Variants in WIZ observed in about 807,000 individuals in gnomAD.
WIZ encodes the protein protein Wiz.
A neutral mutation model predicts 140.2 loss-of-function variants in WIZ; 25 were observed. The observed-to-expected ratio is 0.18, with a 90% CI of 0.13 to 0.25. The LOEUF (loss-of-function observed/expected upper bound fraction) is 0.25. WIZ is among the 10% of genes least tolerant of loss of function. WIZ has a pLI of 1.00. For synonymous variants in WIZ, 1,125 were observed against 1,154.3 expected, an observed-to-expected ratio of 0.97 and a Z score of 0.51; for missense variants, 2,231 against 2,632.6, an observed-to-expected ratio of 0.85 and a Z score of 3.34.
intron 5 of WIZ, among the ~76,000 whole-genome samples, chr19:15,432,005 G>A (rs1459421336): frequency 6.6e-6 from 1 of 152,180 alleles, no homozygotes; most frequent in Non-Finnish European, 1.5e-5. Flanking sequence ...GATGTAACGG[G>A]GCAGGGGGCC....
At chr19:15,436,054 C>T (rs1001196572) in intron 5 of WIZ, among the ~76,000 whole-genome samples, 36 of 152,230 alleles carry the variant, frequency 2.4e-4, no homozygotes, top group African/African-American at 7.7e-4. Context: ...ACCCCGGAGG[C>T]GGAGGTTGCA....
At chr19:15,438,468 G>C (rs1186241592) in intron 4 of WIZ, 110 bp downstream of exon 4, 14 of 1,266,462 alleles carry the variant, frequency 1.1e-5, no homozygotes, top group Non-Finnish European at 1.4e-5. Flanking sequence ...AGTCTCTCAG[G>C]AGCAGAGGCC....
At position 15,448,237 on chromosome 19, in the gene WIZ, G is replaced by C. The variant is rs766016080; in HGVS notation, c.71C>G (p.Pro24Arg). The change falls in exon 2 of 13, where the codon CCG becomes CGG. Residue 24 changes from proline (P) to arginine (R), a missense_variant. Pro to Arg is a moderately radical substitution (Grantham distance 103). Around this residue, in one of 15 missense-constraint regions of WIZ, gnomAD observed 85 missense variants for 90.9 expected, o/e 0.94. Coordinates refer to ENST00000673675, the MANE Select transcript of WIZ (RefSeq NM_001371589.1). ...ACCCTCGATGTTCTCCCTTGGCGCC[G>C]GGCCAGGCAGTCTCTCTGGGCCTTG... is the stretch of plus-strand genomic sequence containing the variant. Reference protein sequence around the residue: ...RPQGPERLPGPAPRENIEGGA... With the variant: ...RPQGPERLPGRAPRENIEGGA... 6.2e-7 allele frequency: 1 copy of C among 1,613,482 alleles called. No individual in the cohort carries two copies. The highest frequency in any genetic ancestry group is 8.5e-7 in the Non-Finnish European group (1 of 1,179,794).
chr19:15,431,012 C>T lies in WIZ; in HGVS notation c.2911G>A (p.Ala971Thr). Residue 971 changes from alanine (A) to threonine (T), a missense_variant and splice_region_variant, in exon 6 of 13, where the codon GCC (alanine) becomes ACC (threonine). By Grantham distance (58) the Ala-to-Thr change is moderately conservative. This residue lies in a region of WIZ where 24 missense variants were observed against 61.2 expected (regional missense o/e 0.39). Transcript: ENST00000673675. ...GSKQELQDLKAQSLTTCEVCG... is the reference protein window; with the variant it reads ...GSKQELQDLKTQSLTTCEVCG... ...CTGCCATGCCACCTGGGCCACTCAC[C>T]CTTGAGGTCCTGCAGCTCCTGTTTG... is the stretch of plus-strand genomic sequence containing the variant. The T allele has an allele frequency of 2.6e-6, 4 of 1,532,400 alleles. No individual in the cohort carries two copies. In the South Asian group the frequency reaches 4.8e-5, roughly 18 times the overall value. 94.9% of individuals were successfully genotyped at this position (1,532,400 alleles called of 1,614,324 possible). A position where few individuals can be genotyped will look rare whatever the true frequency, so the allele number is the denominator to read the frequency against.
chr19:15,439,043 G>A lies in WIZ; in HGVS notation c.1951C>T (p.Pro651Ser), dbSNP rs1480268045. The A allele has an allele frequency of 1.3e-6, 2 of 1,498,198 alleles. No individual in the cohort carries two copies. The highest frequency in any genetic ancestry group is 1.8e-6 in the Non-Finnish European group (2 of 1,127,758). 92.8% of individuals were successfully genotyped at this position (1,498,198 alleles called of 1,614,324 possible). ...FSPLATPSLI[P>S]QAALELKQAF... ...TGCTTCAGCTCCAGGGCCGCCTGCG[G>A]GATGAGGCTGGGGGTGGCTAGGGGT... Residue 651 changes from proline to serine, a missense_variant, in exon 4 of 13, where the codon CCG becomes TCG. By Grantham distance (74) the Pro-to-Ser change is moderately conservative. Transcript: ENST00000673675. This position sits in a 1 kb window ranked among gnomAD's most constrained non-coding sequence, Gnocchi z 7.0.
chr19:15,430,813 G>A (rs926125871), intron 6 of WIZ, among the ~76,000 whole-genome samples, 199 bp downstream of exon 6: 3 of 152,266 alleles, frequency 2.0e-5, no homozygotes, highest in African/African-American at 7.2e-5. Context: ...CCGTGAGGGT[G>A]CAGCTCAGGG....
At chr19:15,430,804 C>T (rs1568300046) in intron 6 of WIZ, among the ~76,000 whole-genome samples, 2 of 152,228 alleles carry the variant, frequency 1.3e-5, no homozygotes, top group African/African-American at 4.8e-5. Flanking sequence ...TCCCTCGCCC[C>T]GTGAGGGTGC....
intron 3 of WIZ, among the ~76,000 whole-genome samples, chr19:15,441,312 C>T (rs1419074330): frequency 2.1e-5 from 3 of 144,672 alleles, no homozygotes; most frequent in Non-Finnish European, 4.6e-5. Context: ...GGGAGTGGGG[C>T]TGGGGGAGGC....
rs1433443147 is a variant in WIZ, at chr19:15,440,612, G to T, written c.382C>A (p.Pro128Thr). The T allele has an allele frequency of 1.3e-6, 2 of 1,535,062 alleles. No homozygotes were observed. The highest frequency in any genetic ancestry group is 4.9e-5 in the East Asian group (2 of 40,878). ...TPDGRGPWEH[P>T]LVQEAGEGIL... ...CCCTCCCCAGCCTCCTGGACAAGGG[G>T]GTGCTCCCAGGGCCCCCGGCCATCA... The change falls in exon 4 of 13, where the codon CCC becomes ACC. Residue 128 changes from proline (P) to threonine (T), a missense_variant. Coordinates refer to ENST00000673675, the MANE Select transcript of WIZ (RefSeq NM_001371589.1). The surrounding 1 kb of genome is among the most constrained non-coding windows in gnomAD (Gnocchi z 6.2).
At chr19:15,447,988 CCAAGCGGAATCAGCATCCCAGCTCAGCCG>C in intron 2 of WIZ, 86 bp downstream of exon 2, 1 of 1,226,462 alleles carries the variant, frequency 8.2e-7, no homozygotes, top group South Asian at 1.3e-5. Flanking sequence ...GGCTCTGGAC[CCAAGCGGAATCAGCATCCCAGCTCAGCCG>C]CTGCTGCGCT....
At position 15,427,668 on chromosome 19, in the gene WIZ, A is replaced by G; in HGVS notation, c.3815-135T>C. Reference sequence around the variant, plus strand: ...TAGGGTGGTGAGGGCAGGTGCAGGTAAGGGAGTGGAGGAGCGGGGCTGGGG... The same window carrying G: ...TAGGGTGGTGAGGGCAGGTGCAGGTGAGGGAGTGGAGGAGCGGGGCTGGGG... On this transcript the variant is annotated intron_variant, in intron 8 of 12. Coordinates refer to ENST00000673675, the MANE Select transcript of WIZ (RefSeq NM_001371589.1). The surrounding 1 kb of genome is among the most constrained non-coding windows in gnomAD (Gnocchi z 6.4). The G allele has an allele frequency of 2.0e-6, 2 of 1,018,488 alleles. No homozygotes were observed. The highest frequency in any genetic ancestry group is 1.7e-5 in the South Asian group (1 of 59,620). 63.1% of individuals were successfully genotyped at this position (1,018,488 alleles called of 1,614,324 possible). A position where few individuals can be genotyped will look rare whatever the true frequency, so the allele number is the denominator to read the frequency against.
intron 9 of WIZ, among the ~76,000 whole-genome samples, chr19:15,426,677 C>T (rs533004884): frequency 9.9e-5 from 15 of 152,230 alleles, no homozygotes; most frequent in Admixed American, 4.6e-4. Flanking sequence ...AATGGATCCC[C>T]GCAGTCTTTC....
chr19:15,426,914 C>T, intron 9 of WIZ, 68 bp downstream of exon 9: 2 of 1,534,570 alleles, frequency 1.3e-6, no homozygotes, highest in Admixed American at 3.9e-5. Context: ...CTCTGGATAC[C>T]CCCAAGGGGA....
intron 7 of WIZ, among the ~76,000 whole-genome samples, chr19:15,429,074 G>A (rs920353001): frequency 2.0e-5 from 3 of 152,174 alleles, no homozygotes; most frequent in African/African-American, 7.2e-5. Flanking sequence ...CCTGCCTGCC[G>A]TGCCCACAGG....
At position 15,440,184 on chromosome 19, in the gene WIZ, C is replaced by T. The variant is rs1036340576; in HGVS notation, c.810G>A (p.Ser270=). Residue 270 remains serine, a synonymous_variant, in exon 4 of 13, where the codon TCG becomes TCA. Transcript: ENST00000673675. This position sits in a 1 kb window ranked among gnomAD's most constrained non-coding sequence, Gnocchi z 6.2. ...EVATQTWTVN[S]EASVERLQPL... is the part of the protein sequence containing the mutation. ...GCTGCAGCCGCTCCACAGAAGCCTC[C>T]GAGTTCACTGTCCAGGTCTGTGTGG... The T allele has an allele frequency of 3.1e-5, 48 of 1,531,792 alleles. No homozygotes were observed. The highest frequency in any genetic ancestry group is 1.4e-4 in the Admixed American group (7 of 50,322). The allele number at this position is 1,531,792 out of a possible 1,614,324, so 94.9% of individuals were successfully genotyped here.
chr19:15,423,110 G>C lies in WIZ; in HGVS notation c.5636C>G (p.Pro1879Arg), dbSNP rs199764331. The C allele has an allele frequency of 1.6e-5, 25 of 1,612,192 alleles. No homozygotes were observed. Among genetic ancestry groups the C allele is most frequent in the Non-Finnish European group, 1.9e-5 (23 of 1,179,778 alleles). ...ADPPPEESQA[P>R]QAQTAAAEAP Reference sequence around the variant, plus strand: ...CTCTGCCGCCGCTGTCTGTGCCTGCGGGGCCTGGGACTCCTCAGGTGGGGG... The same window carrying C: ...CTCTGCCGCCGCTGTCTGTGCCTGCCGGGCCTGGGACTCCTCAGGTGGGGG... The change falls in exon 13 of 13, where the codon CCG becomes CGG. Residue 1879 changes from proline to arginine, a missense_variant. Pro to Arg is a moderately radical substitution (Grantham distance 103, BLOSUM62 -2). This residue lies in a region of WIZ where 299 missense variants were observed against 309.6 expected (regional missense o/e 0.97). Coordinates refer to ENST00000673675, the MANE Select transcript of WIZ (RefSeq NM_001371589.1).
intron 1 of WIZ, 105 bp downstream of exon 1, chr19:15,449,693 C>T (rs1354631760): frequency 6.8e-6 from 1 of 147,096 alleles, no homozygotes; most frequent in Non-Finnish European, 1.5e-5. Context: ...CCGCCCCCGC[C>T]CCCGCCCCGG....
At chr19:15,434,758 G>A (rs185223941) in intron 5 of WIZ, among the ~76,000 whole-genome samples, 118 of 152,222 alleles carry the variant, frequency 7.8e-4, no homozygotes, top group African/African-American at 2.8e-3. Flanking sequence ...GCAAGACTGG[G>A]CCCTTCACTT....
rs1039708825 is a variant in WIZ at position 15,428,526 on chromosome 19, A to AG, written c.3416-19dup. 2.2e-5 allele frequency: 34 copies of AG among 1,514,890 alleles called. No individual in the cohort carries two copies. The highest frequency in any genetic ancestry group is 7.0e-5 in the African/African-American group (5 of 71,600). 93.8% of individuals were successfully genotyped at this position (1,514,890 alleles called of 1,614,324 possible). ...ATCTAAAGCTGCGGAGACAAAACAC[A>AG]GGGGGGGTTCACGGCCGCCACCTTG... is the stretch of plus-strand genomic sequence containing the variant. On this transcript the variant is annotated intron_variant, in intron 7 of 12. Transcript: ENST00000673675. The surrounding 1 kb of genome is among the most constrained non-coding windows in gnomAD (Gnocchi z 6.4).
Sources: gnomAD v4.1 joint callset for allele counts (sites outside exome capture counted in the v4.1 genomes callset) on GRCh38, gnomAD v4.1.1 for gene constraint, gnomAD v4.1.1 regional missense constraint, Gnocchi (gnomAD v3.1) non-coding constraint, MANE v1.5 for transcripts, NCBI Gene and HGNC (gene_info 2026-07-23, HGNC 2026-07-21) for gene names.